ABCE1: variants seen among roughly 807,000 people sequenced by gnomAD.
ABCE1 encodes ATP-binding cassette sub-family E member 1.
A neutral mutation model predicts 83.4 loss-of-function variants in ABCE1; 22 were observed. The ratio of observed to expected loss-of-function variants is 0.26; its 90% confidence interval spans 0.19 to 0.38. The LOEUF (loss-of-function observed/expected upper bound fraction) is 0.38, where lower values mean the gene tolerates loss of function less well. ABCE1 is among the 10% of genes least tolerant of loss of function. ABCE1 has a pLI of 1.00. For synonymous variants in ABCE1, 204 were observed against 233.7 expected (o/e 0.87, Z 1.16); for missense variants, 330 against 721.9 (o/e 0.46, Z 6.22).
At chr4:145,108,262 C>T (rs2126702631) in intron 4 of ABCE1, 150 bp downstream of exon 4, 1 of 727,066 alleles carries the variant, frequency 1.4e-6, no homozygotes, top group South Asian at 1.6e-5. Context: ...AATCATACTG[C>T]ATATGTCTGT....
chr4:145,119,407 G>A (rs1396320193), intron 10 of ABCE1, among the ~76,000 whole-genome samples: 1 of 151,696 alleles, frequency 6.6e-6, no homozygotes, highest in African/African-American at 2.4e-5. Flanking sequence ...GTACAGTGAA[G>A]CCATTAAAAA....
At chr4:145,107,985 C>T (rs1043160845) in intron 3 of ABCE1, 30 bp from the exon 4 acceptor site, 1 of 1,550,908 alleles carries the variant, frequency 6.4e-7, no homozygotes, top group African/African-American at 1.4e-5. Context: ...CAAATTAATA[C>T]AAAAATTAAT....
chr4:145,125,634 G>A (rs1310922763), intron 17 of ABCE1, among the ~76,000 whole-genome samples: 1 of 152,234 alleles, frequency 6.6e-6, no homozygotes, highest in African/African-American at 2.4e-5. Flanking sequence ...TCTTTAAGTT[G>A]TATCACAGTT....
intron 17 of ABCE1, 93 bp from the exon 18 acceptor site, chr4:145,127,433 A>G: frequency 7.9e-6 from 9 of 1,135,526 alleles, no homozygotes; most frequent in Admixed American, 2.4e-5. Context: ...GCACTGTTTT[A>G]AGCACAGCTA....
At chr4:145,108,503 T>G (rs1749372211) in intron 4 of ABCE1, among the ~76,000 whole-genome samples, 1 of 152,208 alleles carries the variant, frequency 6.6e-6, no homozygotes, top group Admixed American at 6.5e-5. Context: ...CCATTAATCT[T>G]ATGATCTACA....
chr4:145,114,996 A>C (rs1438184146), intron 9 of ABCE1, among the ~76,000 whole-genome samples: 6 of 152,026 alleles, frequency 3.9e-5, no homozygotes, highest in Admixed American at 1.3e-4. Flanking sequence ...TAGAGGATGC[A>C]TTGGACAAAA....
chr4:145,119,760 T>G lies in ABCE1; in HGVS notation c.923-172T>G, dbSNP rs186890712. ...ACATGCATATATATTCATGAATTATTTAAACTTACATTAAATATATATAGT... is the reference window on the plus strand; with the variant it reads ...ACATGCATATATATTCATGAATTATGTAAACTTACATTAAATATATATAGT... On this transcript the variant is annotated intron_variant, in intron 10 of 17. Coordinates refer to ENST00000296577, the MANE Select transcript of ABCE1 (RefSeq NM_002940.3). 3.9e-4 allele frequency among the ~76,000 whole-genome samples: 59 copies of G among 152,070 alleles called. 1 individual carries two copies. Among genetic ancestry groups the G allele is most frequent in the African/African-American group, 1.4e-3 (58 of 41,506 alleles).
At chr4:145,105,469 G>A in intron 2 of ABCE1, 136 bp from the exon 3 acceptor site, 1 of 579,456 alleles carries the variant, frequency 1.7e-6, no homozygotes, top group Admixed American at 3.1e-5. Context: ...TATCTCAAAT[G>A]TATTTCTTTG....
rs145492249 is a variant in ABCE1, at chr4:145,109,396, T to A, written c.405+147T>A. ...GAAATTTATAAACAAAGCTCTTTTG[T>A]ACTTTTGAACTAAAAATCTGTTAAT... is the stretch of plus-strand genomic sequence containing the variant. On this transcript the variant is annotated intron_variant, in intron 5 of 17. Transcript: ENST00000296577. 5.0e-4 allele frequency: 263 copies of A among 521,484 alleles called. 1 individual carries two copies. In the East Asian group the frequency reaches 8.5e-3, roughly 17 times the overall value. The allele number at this position is 521,484 out of a possible 1,614,324, so 32.3% of individuals were successfully genotyped here.
intron 1 of ABCE1, among the ~76,000 whole-genome samples, chr4:145,102,114 T>C (rs1418328844): frequency 3.3e-5 from 5 of 152,076 alleles, no homozygotes; most frequent in African/African-American, 1.2e-4. Flanking sequence ...TTTTATCTAG[T>C]AGGAAAAGTG....
At chr4:145,111,677 A>G (rs1749479370) in intron 8 of ABCE1, among the ~76,000 whole-genome samples, 1 of 152,176 alleles carries the variant, frequency 6.6e-6, no homozygotes, top group African/African-American at 2.4e-5. Flanking sequence ...CAGGCTAGCA[A>G]GCTTTTTAAT....
intron 4 of ABCE1, 117 bp from the exon 5 acceptor site, chr4:145,109,015 T>A (rs1018195616): frequency 4.2e-6 from 3 of 713,880 alleles, no homozygotes; most frequent in Non-Finnish European, 4.7e-6. Context: ...ATATGTTTCT[T>A]AGCTTATTAA....
At chr4:145,116,045 T>G (rs960514476) in intron 9 of ABCE1, among the ~76,000 whole-genome samples, 4 of 151,872 alleles carry the variant, frequency 2.6e-5, no homozygotes, top group African/African-American at 9.7e-5. Context: ...CATAGCAAGT[T>G]GGATTTGAGA....
At chr4:145,099,540 A>T (rs558109672) in intron 1 of ABCE1, among the ~76,000 whole-genome samples, 1 of 152,110 alleles carries the variant, frequency 6.6e-6, no homozygotes, top group East Asian at 1.9e-4. Flanking sequence ...TAAAAAAGGG[A>T]GTTTTTTTGT....
At chr4:145,116,932 A>C (rs191863014) in intron 9 of ABCE1, among the ~76,000 whole-genome samples, 2 of 152,048 alleles carry the variant, frequency 1.3e-5, no homozygotes, top group Non-Finnish European at 2.9e-5. Flanking sequence ...CTAGCATGGG[A>C]CAGGACAGGT....
chr4:145,122,811 G>C (rs77484781), intron 13 of ABCE1: 7 of 388,874 alleles, frequency 1.8e-5, no homozygotes, highest in Non-Finnish European at 3.2e-5. Context: ...TGTCTCAAAA[G>C]AAAAAAAAAA....
At chr4:145,109,309 G>T in intron 5 of ABCE1, 60 bp downstream of exon 5, 1 of 882,314 alleles carries the variant, frequency 1.1e-6, no homozygotes. Flanking sequence ...GATTTTGGGG[G>T]GATGATATGT....
chr4:145,101,231 G>A (rs1054038136), intron 1 of ABCE1, among the ~76,000 whole-genome samples: 5 of 152,120 alleles, frequency 3.3e-5, no homozygotes, highest in African/African-American at 9.7e-5. Flanking sequence ...AAGATTGAAA[G>A]GAGTAAGCCA....
At chr4:145,108,797 A>G (rs186193136) in intron 4 of ABCE1, among the ~76,000 whole-genome samples, 3 of 152,340 alleles carry the variant, frequency 2.0e-5, no homozygotes, top group African/African-American at 7.2e-5. Context: ...GTACCAAAGC[A>G]TTTTGTTATA....
Sources: gnomAD v4.1 joint callset for allele counts (sites outside exome capture counted in the v4.1 genomes callset) on GRCh38, gnomAD v4.1.1 for gene constraint, MANE v1.5 for transcripts, NCBI Gene and HGNC (gene_info 2026-07-23, HGNC 2026-07-21) for gene names.